The following CD109 variants were observed in gnomAD, a reference collection of about 807,000 sequenced individuals.
The protein encoded by CD109 is CD109 molecule.
CD109 carries 149 observed loss-of-function variants against 165.8 expected under a neutral mutation model. The observed-to-expected ratio is 0.90, with a 90% CI of 0.79 to 1.03. CD109 has a LOEUF of 1.03. Among genes scored for constraint, CD109 ranks in the 50% least tolerant of loss-of-function variants. CD109 has a pLI of 0.00. For missense variants in CD109, 1,712 were observed against 1,677.8 expected (o/e 1.02, Z -0.36); for synonymous variants, 585 against 592.1 (o/e 0.99, Z 0.18).
intron 30 of CD109, 38 bp from the exon 31 acceptor site, chr6:73,818,350 C>T (rs1776005177): frequency 1.2e-6 from 2 of 1,610,616 alleles, no homozygotes; most frequent in Non-Finnish European, 1.7e-6. Flanking sequence ...ATGGGTTTTT[C>T]CTGAGGAGTT....
chr6:73,704,010 C>A (rs9341433), intron 2 of CD109, among the ~76,000 whole-genome samples: 24,797 of 151,812 alleles, frequency 0.16, 2,264 homozygotes, highest in East Asian at 0.34. Flanking sequence ...CATGGTGAAA[C>A]CCCGTCTCTA....
At chr6:73,802,759 C>T (rs1457395529) in intron 23 of CD109, among the ~76,000 whole-genome samples, 5 of 145,950 alleles carry the variant, frequency 3.4e-5, no homozygotes, top group Admixed American at 7.0e-5. Context: ...AGTGCAATGA[C>T]GCAAATCTCG....
At chr6:73,809,832 AAATAC>A in intron 26 of CD109, 147 bp from the exon 27 acceptor site, 1 of 568,906 alleles carries the variant, frequency 1.8e-6, no homozygotes, top group African/African-American at 2.0e-5. Context: ...TGTGATAAAT[AAATAC>A]ATGTCTGGCA....
At chr6:73,705,655 A>G (rs980901864) in intron 2 of CD109, among the ~76,000 whole-genome samples, 6 of 152,038 alleles carry the variant, frequency 3.9e-5, no homozygotes, top group Non-Finnish European at 7.4e-5. Flanking sequence ...AAAGAAAAGA[A>G]TAGAATAGAC....
At position 73,826,337 on chromosome 6, in the gene CD109, T is replaced by G. The variant is rs1776276526; in HGVS notation, c.*2704T>G. ...ATTCCTTATGCTGAAGCTCTTCCAT[T>G]TAGAATACTGTCAATGTCATTTACT... is the stretch of plus-strand genomic sequence containing the variant. On this transcript the variant is annotated 3_prime_UTR_variant, in exon 33 of 33. Transcript: ENST00000287097. 1 of 152,214 alleles carries G rather than the reference T, an allele frequency of 6.6e-6. No homozygotes were observed. The highest frequency in any genetic ancestry group is 1.5e-5 in the Non-Finnish European group (1 of 68,044). The allele number at this position is 152,214 out of a possible 1,614,324, so 9.4% of individuals were successfully genotyped here.
chr6:73,778,012 T>G (rs1774323791), intron 15 of CD109, among the ~76,000 whole-genome samples: 1 of 152,234 alleles, frequency 6.6e-6, no homozygotes, highest in Admixed American at 6.5e-5. Flanking sequence ...TATGGCCATT[T>G]TAACAATATT....
At chr6:73,718,191 C>T (rs796397340) in intron 2 of CD109, among the ~76,000 whole-genome samples, 17 of 152,054 alleles carry the variant, frequency 1.1e-4, no homozygotes, top group African/African-American at 3.6e-4. Context: ...ATATCATCTG[C>T]GAACAAAAAT....
At chr6:73,783,588 A>T in intron 18 of CD109, 119 bp from the exon 19 acceptor site, 1 of 655,720 alleles carries the variant, frequency 1.5e-6, no homozygotes, top group Non-Finnish European at 2.7e-6. Context: ...TTAAATTCAG[A>T]TATGTAAACA....
Position 73,798,474 on chromosome 6 carries a change from C to T in CD109, c.2879-4746C>T, listed in dbSNP as rs76597678. ...ACACTGGGACGATTTGGAGGACAGT[C>T]GAGGGATCCACAATGATGCATGCTG... On this transcript the variant is annotated intron_variant, in intron 23 of 32. Transcript: ENST00000287097. 3.3e-3 allele frequency among the ~76,000 whole-genome samples: 502 copies of T among 152,146 alleles called. 3 individuals carry two copies. Among genetic ancestry groups the T allele is most frequent in the Non-Finnish European group, 5.9e-3 (402 of 68,006 alleles).
Position 73,750,446 on chromosome 6 carries a change from G to A in CD109, c.634-6197G>A, listed in dbSNP as rs545960190. Among the ~76,000 whole-genome samples, 54 of 152,302 alleles carry A rather than the reference G, an allele frequency of 3.5e-4. 1 individual carries two copies. Among genetic ancestry groups the A allele is most frequent in the Middle Eastern group, 3.4e-3 (1 of 294 alleles). On this transcript the variant is annotated intron_variant, in intron 5 of 32. Coordinates refer to ENST00000287097, the MANE Select transcript of CD109 (RefSeq NM_133493.5). ...AGATTCAGAGAGAGTGGCTTTCCAG[G>A]TGCTGCAGAGGCCTCAAAGGGAGTG...
chr6:73,785,845 TG>T (rs1321220696), intron 20 of CD109, among the ~76,000 whole-genome samples: 3 of 133,176 alleles, frequency 2.3e-5, no homozygotes, highest in African/African-American at 8.9e-5. Context: ...ACTGCAGTTT[TG>T]TTTTTTTTTT....
chr6:73,749,820 T>C (rs567436856), intron 5 of CD109, among the ~76,000 whole-genome samples: 1 of 152,252 alleles, frequency 6.6e-6, no homozygotes, highest in African/African-American at 2.4e-5. Flanking sequence ...CAAACAAAAA[T>C]CATCAGTATG....
At chr6:73,718,509 A>G (rs1260496180) in intron 2 of CD109, among the ~76,000 whole-genome samples, 1 of 151,860 alleles carries the variant, frequency 6.6e-6, no homozygotes, top group Non-Finnish European at 1.5e-5. Context: ...TGAAATGATC[A>G]TGTAGTTTTT....
the CD109 span, among the ~76,000 whole-genome samples, chr6:73,690,328 G>A: frequency 6.6e-6 from 1 of 152,162 alleles, no homozygotes; most frequent in Non-Finnish European, 1.5e-5. Flanking sequence ...GAAAGGCGAA[G>A]TTTCTGAGCC....
At chr6:73,685,451 G>T in the CD109 span, among the ~76,000 whole-genome samples, 1 of 151,816 alleles carries the variant, frequency 6.6e-6, no homozygotes, top group Non-Finnish European at 1.5e-5. Flanking sequence ...ACATTGTCTA[G>T]ATCAATGTTT....
intron 3 of CD109, among the ~76,000 whole-genome samples, chr6:73,728,285 G>A (rs1048360165): frequency 6.6e-6 from 1 of 152,044 alleles, no homozygotes; most frequent in Non-Finnish European, 1.5e-5. Flanking sequence ...ACTCCAGCCT[G>A]GGCAACAGAG....
chr6:73,735,416 A>T (rs1373134031), intron 4 of CD109, among the ~76,000 whole-genome samples: 1 of 152,180 alleles, frequency 6.6e-6, no homozygotes, highest in Non-Finnish European at 1.5e-5. Context: ...AGAGGGCAAG[A>T]CTAGAGGGGG....
At chr6:73,738,055 A>T (rs1284161905) in intron 5 of CD109, among the ~76,000 whole-genome samples, 1 of 152,194 alleles carries the variant, frequency 6.6e-6, no homozygotes, top group Non-Finnish European at 1.5e-5. Context: ...TTCAAAGGTC[A>T]TTGTCATGGT....
In CD109 at chr6:73,782,601, T is replaced by C; in HGVS notation, c.1964-13T>C. ...TGACTGTTTTTCTAACTACTGTCAA[T>C]GTTTATTTATAGATGACAATGCAGA... On this transcript the variant is annotated splice_polypyrimidine_tract_variant and intron_variant, in intron 17 of 32. Transcript: ENST00000287097. The C allele has an allele frequency of 6.2e-7, 1 of 1,607,140 alleles. No individual in the cohort carries two copies.
Sources: allele counts gnomAD v4.1 joint callset (sites outside exome capture counted in the v4.1 genomes callset), GRCh38; gene constraint gnomAD v4.1.1; transcripts MANE v1.5; gene names NCBI Gene and HGNC (gene_info 2026-07-23, HGNC 2026-07-21).